The following PCDHGA6 variants were observed in gnomAD, a reference collection of about 807,000 sequenced individuals.
PCDHGA6 encodes protocadherin gamma subfamily A, 6.
Under a neutral mutation model 60.6 loss-of-function variants are expected in PCDHGA6, and 41 were observed. The observed-to-expected ratio is 0.68, with a 90% CI of 0.53 to 0.88. PCDHGA6 has a LOEUF of 0.88. PCDHGA6 is among the 40% of genes least tolerant of loss of function. PCDHGA6 has a pLI of 0.00. For missense variants in PCDHGA6, 1,312 were observed against 1,203.0 expected (o/e 1.09, Z -1.34); for synonymous variants, 594 against 524.4 (o/e 1.13, Z -1.81).
intron 1 of PCDHGA6, chr5:141,416,557 T>C (rs1428283225): frequency 3.9e-5 from 6 of 152,112 alleles, no homozygotes; most frequent in Non-Finnish European, 8.8e-5. Flanking sequence ...CCTGAAACTC[T>C]GAAAACTCTG....
At chr5:141,471,073 G>A (rs2099249169) in intron 1 of PCDHGA6, among the ~76,000 whole-genome samples, 2 of 143,298 alleles carry the variant, frequency 1.4e-5, no homozygotes, top group Non-Finnish European at 3.0e-5. Flanking sequence ...TTTTGAGACA[G>A]GGTCTCCCTC....
Position 141,511,908 on chromosome 5 carries a change from A to T in PCDHGA6, c.*735A>T, listed in dbSNP as rs528200582. The T allele has an allele frequency of 4.5e-5, 7 of 156,536 alleles. No homozygotes were observed. The highest frequency in any genetic ancestry group is 1.9e-4 in the East Asian group (1 of 5,250). The allele number at this position is 156,536 out of a possible 1,614,324, so 9.7% of individuals were successfully genotyped here. A position where few individuals can be genotyped will look rare whatever the true frequency, so the allele number is the denominator to read the frequency against. On this transcript the variant is annotated 3_prime_UTR_variant, in exon 4 of 4. Transcript: ENST00000517434. ...GACTTCCCCCACCTCCTCCTCAAAC[A>T]AGAGACTCCACTGCATGTTCCAAGA...
intron 1 of PCDHGA6, chr5:141,392,656 G>T: frequency 1.3e-6 from 1 of 748,568 alleles, no homozygotes; most frequent in South Asian, 2.2e-5. Context: ...ACCCGCAGAT[G>T]CCACAAACTA....
In PCDHGA6 at chr5:141,490,309, A is replaced by G. The variant is rs1485303337; in HGVS notation, c.2425-4498A>G. On this transcript the variant is annotated intron_variant, in intron 1 of 3. Transcript: ENST00000517434. The surrounding 1 kb of genome is among the most constrained non-coding windows in gnomAD (Gnocchi z 5.4). ...AGAGGTGCTATTGGCCTCTTTGGCCAACCCTGTCCTAGAGAGCACACCAGT... is the reference window on the plus strand; with the variant it reads ...AGAGGTGCTATTGGCCTCTTTGGCCGACCCTGTCCTAGAGAGCACACCAGT... The G allele has an allele frequency of 2.8e-5, 46 of 1,614,126 alleles. No homozygotes were observed. Among genetic ancestry groups the G allele is most frequent in the Non-Finnish European group, 3.8e-5 (45 of 1,180,056 alleles).
rs369227893 is a variant in PCDHGA6, at chr5:141,419,063, T to A, written c.2424+42556T>A. 47 of 1,613,840 alleles carry A rather than the reference T, an allele frequency of 2.9e-5. No homozygotes were observed. The highest frequency in any genetic ancestry group is 4.0e-5 in the Non-Finnish European group (47 of 1,179,904). On this transcript the variant is annotated intron_variant, in intron 1 of 3. Coordinates refer to ENST00000517434, the MANE Select transcript of PCDHGA6 (RefSeq NM_018919.3). ...GATTCATTCTTCTTCTAATAATTACTACAAGCTAGTAACAGATGAGGCCCT... is the reference window on the plus strand; with the variant it reads ...GATTCATTCTTCTTCTAATAATTACAACAAGCTAGTAACAGATGAGGCCCT...
intron 1 of PCDHGA6, chr5:141,424,664 A>T (rs923488035): frequency 6.6e-6 from 1 of 152,124 alleles, no homozygotes; most frequent in African/African-American, 2.4e-5. Flanking sequence ...CTTTAATTAA[A>T]CTGATTTAGC....
rs113648128 is a variant in PCDHGA6, at chr5:141,491,811, C to T, written c.2425-2996C>T. ...CACTCCTCTCCGGCCGGCTTGGTCG[C>T]TGGCTGCGCTCCACCCGATTCTCGG... On this transcript the variant is annotated intron_variant, in intron 1 of 3. Transcript: ENST00000517434. The surrounding 1 kb of genome is among the most constrained non-coding windows in gnomAD (Gnocchi z 6.9). 6.7e-7 allele frequency: 1 copy of T among 1,487,262 alleles called. No homozygotes were observed. The highest frequency in any genetic ancestry group is 1.4e-5 in the African/African-American group (1 of 70,544). 92.1% of individuals were successfully genotyped at this position (1,487,262 alleles called of 1,614,324 possible).
intron 3 of PCDHGA6, among the ~76,000 whole-genome samples, chr5:141,506,444 C>T (rs542906499): frequency 2.1e-5 from 2 of 95,022 alleles, no homozygotes; most frequent in South Asian, 3.6e-4. Flanking sequence ...CGCTCTGTCT[C>T]AAAAAAAAAA....
At chr5:141,452,527 G>A (rs1164238830) in intron 1 of PCDHGA6, among the ~76,000 whole-genome samples, 1 of 152,156 alleles carries the variant, frequency 6.6e-6, no homozygotes, top group Non-Finnish European at 1.5e-5. Flanking sequence ...TCAAAATCGT[G>A]AGTTCATATT....
rs763303627 is a variant in PCDHGA6 at position 141,489,719 on chromosome 5, C to T, written c.2425-5088C>T. The T allele has an allele frequency of 1.4e-5, 22 of 1,613,946 alleles. No homozygotes were observed. The highest frequency in any genetic ancestry group is 9.3e-5 in the African/African-American group (7 of 74,924). On this transcript the variant is annotated intron_variant, in intron 1 of 3. Coordinates refer to ENST00000517434, the MANE Select transcript of PCDHGA6 (RefSeq NM_018919.3). The surrounding 1 kb of genome is among the most constrained non-coding windows in gnomAD (Gnocchi z 4.5). ...TTCCCACTGGACAGTGCCCAGGATCCGGATGTGGGCACCAATACTGTGAGC... is the reference window on the plus strand; with the variant it reads ...TTCCCACTGGACAGTGCCCAGGATCTGGATGTGGGCACCAATACTGTGAGC...
chr5:141,392,488 T>G, intron 1 of PCDHGA6: 1 of 203,312 alleles, frequency 4.9e-6, no homozygotes, highest in Non-Finnish European at 9.8e-6. Flanking sequence ...AACAAAGTAA[T>G]AAGCAAATGA....
At position 141,414,719 on chromosome 5, in the gene PCDHGA6, C is replaced by T. The variant is rs1361757630; in HGVS notation, c.2424+38212C>T. On this transcript the variant is annotated intron_variant, in intron 1 of 3. Transcript: ENST00000517434. ...TCATACATATCCATCAACTCAGACA[C>T]TGGCGTCCTGTATGCACTCAGATCC... The T allele has an allele frequency of 1.2e-6, 2 of 1,614,050 alleles. No individual in the cohort carries two copies. Among genetic ancestry groups the T allele is most frequent in the African/African-American group, 1.3e-5 (1 of 74,934 alleles).
rs773232677 is a variant in PCDHGA6, at chr5:141,490,388, G to A, written c.2425-4419G>A. 2 of 1,614,206 alleles carry A rather than the reference G, an allele frequency of 1.2e-6. No homozygotes were observed. The highest frequency in any genetic ancestry group is 2.2e-5 in the East Asian group (1 of 44,878). The stretch of plus-strand genomic sequence containing the variant: ...CGAGACCGGGACTCAGGTAGAAATG[G>A]TGAAGTGAGCCTTGATATCTCTCCG... On this transcript the variant is annotated intron_variant, in intron 1 of 3. Transcript: ENST00000517434. The surrounding 1 kb of genome is among the most constrained non-coding windows in gnomAD (Gnocchi z 5.4).
At chr5:141,400,557 ACC>A in intron 1 of PCDHGA6, 5 of 1,613,254 alleles carry the variant, frequency 3.1e-6, no homozygotes, top group Non-Finnish European at 3.4e-6. Context: ...CTTTTTCATT[ACC>A]CACCCAATTT....
chr5:141,452,148 T>C (rs1294195346), intron 1 of PCDHGA6, among the ~76,000 whole-genome samples: 1 of 152,228 alleles, frequency 6.6e-6, no homozygotes, highest in Non-Finnish European at 1.5e-5. Flanking sequence ...TTTTTTCCAA[T>C]GAGTTATATT....
intron 1 of PCDHGA6, among the ~76,000 whole-genome samples, chr5:141,386,999 C>T (rs2090777000): frequency 6.6e-6 from 1 of 152,224 alleles, no homozygotes; most frequent in Middle Eastern, 3.4e-3. Context: ...GTATTATCCC[C>T]CTGATAACTT....
At chr5:141,404,443 A>G in intron 1 of PCDHGA6, 1 of 1,613,468 alleles carries the variant, frequency 6.2e-7, no homozygotes, top group East Asian at 2.2e-5. Flanking sequence ...ATACCATCCA[A>G]GGGTCTCCTC....
chr5:141,376,574 G>A, intron 1 of PCDHGA6, 67 bp downstream of exon 1: 12 of 1,598,206 alleles, frequency 7.5e-6, no homozygotes, highest in Non-Finnish European at 1.0e-5. Context: ...AATCAGACAG[G>A]CTCATCAGCT....
At chr5:141,467,285 T>G (rs6870144) in intron 1 of PCDHGA6, among the ~76,000 whole-genome samples, 42,564 of 152,010 alleles carry the variant, frequency 0.28, 6,785 homozygotes, top group African/African-American at 0.45. Context: ...ACTCTTGACC[T>G]CAAGTGATCC....
Sources: allele counts gnomAD v4.1 joint callset (sites outside exome capture counted in the v4.1 genomes callset), GRCh38; gene constraint gnomAD v4.1.1; non-coding constraint Gnocchi (gnomAD v3.1); transcripts MANE v1.5; gene names NCBI Gene and HGNC (gene_info 2026-07-23, HGNC 2026-07-21).